Variants in RBFOX1 observed in about 807,000 individuals in gnomAD.
The protein encoded by RBFOX1 is RNA binding fox-1 homolog 1.
In RBFOX1, 8 loss-of-function variants were observed where a neutral mutation model predicts 57.7. The observed-to-expected ratio is 0.14, with a 90% CI of 0.08 to 0.25. The LOEUF is 0.25. Among genes scored for constraint, RBFOX1 ranks in the 10% least tolerant of loss-of-function variants. The probability of loss-of-function intolerance (pLI) is 1.00; values close to 1 mark genes in which losing one functional copy is unlikely to be tolerated. For synonymous variants in RBFOX1, 326 were observed against 222.4 expected (o/e 1.47, Z -4.15); for missense variants, 611 against 548.5 (o/e 1.11, Z -1.14).
chr16:6,740,477 ATAGAG>A (rs2071721521), intron 3 of RBFOX1, among the ~76,000 whole-genome samples: 2 of 152,238 alleles, frequency 1.3e-5, no homozygotes, highest in Non-Finnish European at 1.5e-5. Context: ...TTCCATGGTT[ATAGAG>A]TAAACACCAA....
chr16:6,283,730 C>T (rs1299884734), intron 1 of RBFOX1, among the ~76,000 whole-genome samples: 2 of 152,188 alleles, frequency 1.3e-5, no homozygotes, highest in East Asian at 1.9e-4. Flanking sequence ...CACATACCCG[C>T]AGCTACTTTT....
intron 1 of RBFOX1, among the ~76,000 whole-genome samples, chr16:5,430,754 A>C (rs993391900): frequency 6.6e-6 from 1 of 152,226 alleles, no homozygotes; most frequent in African/African-American, 2.4e-5. Context: ...CATTGTAGTA[A>C]TATAAGTATT....
chr16:5,821,947 T>G (rs1320386429), intron 3 of RBFOX1, among the ~76,000 whole-genome samples: 1 of 152,196 alleles, frequency 6.6e-6, no homozygotes, highest in African/African-American at 2.4e-5. Flanking sequence ...AATGTTGCAT[T>G]GAGGATTAAG....
intron 1 of RBFOX1, among the ~76,000 whole-genome samples, chr16:6,055,781 A>G (rs1325881053): frequency 2.0e-5 from 3 of 152,112 alleles, no homozygotes; most frequent in African/African-American, 7.2e-5. Context: ...TAAGATGAGT[A>G]CAGTAAAATA....
intron 4 of RBFOX1, among the ~76,000 whole-genome samples, chr16:5,958,073 C>T (rs1036280632): frequency 1.3e-5 from 2 of 152,148 alleles, no homozygotes; most frequent in African/African-American, 2.4e-5. Flanking sequence ...AAAGAATCTA[C>T]TGCACTTCAA....
At chr16:5,995,565 T>C (rs907747792) in intron 4 of RBFOX1, among the ~76,000 whole-genome samples, 2 of 152,242 alleles carry the variant, frequency 1.3e-5, no homozygotes, top group African/African-American at 2.4e-5. Context: ...TCTTTGTGCA[T>C]CTAACTGTTG....
chr16:5,311,087 C>CAGTA (rs1276808442), intron 1 of RBFOX1, among the ~76,000 whole-genome samples: 1 of 152,126 alleles, frequency 6.6e-6, no homozygotes, highest in Non-Finnish European at 1.5e-5. Flanking sequence ...TGAGAACATG[C>CAGTA]AGTATTTGGT....
intron 3 of RBFOX1, among the ~76,000 whole-genome samples, chr16:6,885,008 A>G (rs1053019145): frequency 5.9e-5 from 9 of 152,208 alleles, no homozygotes; most frequent in African/African-American, 1.2e-4. Context: ...TTTCATTTCA[A>G]TAATTACTGT....
chr16:6,565,625 G>A (rs1012140611), intron 2 of RBFOX1, among the ~76,000 whole-genome samples: 1 of 150,450 alleles, frequency 6.6e-6, no homozygotes, highest in Admixed American at 6.7e-5. Flanking sequence ...CTGCTACCAC[G>A]CCTGGCTATT....
intron 4 of RBFOX1, among the ~76,000 whole-genome samples, chr16:7,156,943 C>T (rs2077273479): frequency 6.6e-6 from 1 of 152,154 alleles, no homozygotes; most frequent in South Asian, 2.1e-4. Flanking sequence ...AACCTGTTCT[C>T]TTTACAGCAA....
chr16:5,729,047 A>T (rs1474917152), intron 3 of RBFOX1, among the ~76,000 whole-genome samples: 1 of 152,184 alleles, frequency 6.6e-6, no homozygotes, highest in African/African-American at 2.4e-5. Context: ...CTCAGGTCCA[A>T]CTGCAGGGCA....
At position 7,611,881 on chromosome 16, in the gene RBFOX1, G is replaced by A. The variant is rs201735241; in HGVS notation, c.676+4543G>A. Among the ~76,000 whole-genome samples the A allele has an allele frequency of 9.7e-4, 147 of 152,252 alleles. 1 individual carries two copies. The highest frequency in any genetic ancestry group is 1.8e-3 in the Non-Finnish European group (120 of 68,028). On this transcript the variant is annotated intron_variant, in intron 10 of 15. Coordinates refer to ENST00000550418, the MANE Select transcript of RBFOX1 (RefSeq NM_018723.4). ...TGCTTATTCCGTGCCAGTCTTCAGA[G>A]CAGATACACATACATCAGCACATCC...
At chr16:7,322,220 T>A (rs541962572) in intron 4 of RBFOX1, among the ~76,000 whole-genome samples, 10 of 152,236 alleles carry the variant, frequency 6.6e-5, no homozygotes, top group Non-Finnish European at 1.5e-4. Flanking sequence ...GACAAGGGAA[T>A]GAAAGATGTG....
chr16:7,388,531 GC>G (rs2097922648), intron 4 of RBFOX1, among the ~76,000 whole-genome samples: 1 of 151,466 alleles, frequency 6.6e-6, no homozygotes, highest in Admixed American at 6.6e-5. Flanking sequence ...CTGAGCTTAA[GC>G]CCCCTCAACT....
intron 3 of RBFOX1, among the ~76,000 whole-genome samples, chr16:6,698,236 A>G (rs1020089432): frequency 1.3e-5 from 2 of 152,236 alleles, no homozygotes; most frequent in African/African-American, 4.8e-5. Context: ...ATCATTATGT[A>G]AAATAATACA....
At chr16:6,878,765 C>G (rs1302330482) in intron 3 of RBFOX1, among the ~76,000 whole-genome samples, 5 of 152,148 alleles carry the variant, frequency 3.3e-5, no homozygotes, top group South Asian at 2.1e-4. Flanking sequence ...AGGACCCTGA[C>G]AATCTGCAGA....
At chr16:6,824,563 TAATA>T (rs958100365) in intron 3 of RBFOX1, among the ~76,000 whole-genome samples, 1 of 152,224 alleles carries the variant, frequency 6.6e-6, no homozygotes, top group African/African-American at 2.4e-5. Context: ...ATAATAATCA[TAATA>T]AATACTAATA....
chr16:7,396,752 C>A (rs574958861), intron 4 of RBFOX1, among the ~76,000 whole-genome samples: 2 of 152,154 alleles, frequency 1.3e-5, no homozygotes, highest in African/African-American at 4.8e-5. Flanking sequence ...ACAGCCTTGC[C>A]AACACTATGA....
intron 3 of RBFOX1, among the ~76,000 whole-genome samples, chr16:7,028,122 G>T (rs919624785): frequency 2.0e-5 from 3 of 152,116 alleles, no homozygotes; most frequent in Non-Finnish European, 4.4e-5. Flanking sequence ...CTGCCTAGAA[G>T]CCTGCAGAAA....
Sources: gnomAD v4.1 joint callset for allele counts (sites outside exome capture counted in the v4.1 genomes callset) on GRCh38, gnomAD v4.1.1 for gene constraint, MANE v1.5 for transcripts, NCBI Gene and HGNC (gene_info 2026-07-23, HGNC 2026-07-21) for gene names.